CHIC2: variants seen among roughly 807,000 people sequenced by gnomAD.
The protein encoded by CHIC2 is cysteine rich hydrophobic domain 2.
CHIC2 carries 14 observed loss-of-function variants against 25.9 expected under a neutral mutation model. The observed-to-expected ratio is 0.54, with a 90% confidence interval of 0.36 to 0.85. The LOEUF (loss-of-function observed/expected upper bound fraction) is 0.85. CHIC2 is among the 40% of genes least tolerant of loss of function. The pLI is 0.01. For missense variants in CHIC2, 146 were observed against 202.0 expected (o/e 0.72, Z 1.68); for synonymous variants, 70 against 72.0 (o/e 0.97, Z 0.14).
At chr4:54,043,561 T>G (rs949783191) in intron 3 of CHIC2, among the ~76,000 whole-genome samples, 3 of 151,756 alleles carry the variant, frequency 2.0e-5, no homozygotes, top group Non-Finnish European at 4.4e-5. Flanking sequence ...CTAAGCTTCA[T>G]AAGTGAAGGA....
chr4:54,033,761 T>TAA (rs1470441306), intron 3 of CHIC2, among the ~76,000 whole-genome samples: 2 of 152,208 alleles, frequency 1.3e-5, no homozygotes, highest in Non-Finnish European at 2.9e-5. Context: ...TACATCTCTT[T>TAA]AAAAGACTGT....
chr4:54,043,043 G>T (rs535012850), intron 3 of CHIC2, among the ~76,000 whole-genome samples: 44 of 152,198 alleles, frequency 2.9e-4, no homozygotes, highest in Non-Finnish European at 5.4e-4. Context: ...GGGTGCAGTG[G>T]CTCACACCTG....
intron 3 of CHIC2, among the ~76,000 whole-genome samples, chr4:54,041,121 G>A (rs531016273): frequency 1.8e-3 from 274 of 151,554 alleles, no homozygotes; most frequent in Non-Finnish European, 2.9e-3. Context: ...TCACCATGTT[G>A]GCCAGGATGG....
chr4:54,047,873 A>C (rs1716884377), intron 3 of CHIC2, among the ~76,000 whole-genome samples: 1 of 151,980 alleles, frequency 6.6e-6, no homozygotes, highest in African/African-American at 2.4e-5. Context: ...TATTTAAAAA[A>C]ATTTTTTTAA....
intron 3 of CHIC2, among the ~76,000 whole-genome samples, chr4:54,021,232 G>C (rs1173479805): frequency 2.6e-5 from 4 of 152,060 alleles, no homozygotes; most frequent in Non-Finnish European, 5.9e-5. Flanking sequence ...CATTTTACAA[G>C]ATCTAGATAA....
At position 54,064,314 on chromosome 4, in the gene CHIC2, G is replaced by A. The variant is rs1717437212; in HGVS notation, c.-14C>T. On this transcript the variant is annotated 5_prime_UTR_variant, in exon 1 of 6. Coordinates refer to ENST00000263921, the MANE Select transcript of CHIC2 (RefSeq NM_012110.4). This position sits in a 1 kb window ranked among gnomAD's most constrained non-coding sequence, Gnocchi z 4.2. ...GAAATCCGCCATCCTGAGCCTCCGA[G>A]CTCCCCTGCCCAAAGGGCCTGACTC... is the stretch of plus-strand genomic sequence containing the variant. 6.2e-7 allele frequency: 1 copy of A among 1,612,954 alleles called. No individual in the cohort carries two copies. Among genetic ancestry groups the A allele is most frequent in the Non-Finnish European group, 8.5e-7 (1 of 1,179,524 alleles).
At chr4:54,075,270 T>G in the CHIC2 span, among the ~76,000 whole-genome samples, 1 of 152,240 alleles carries the variant, frequency 6.6e-6, no homozygotes, top group Non-Finnish European at 1.5e-5. Flanking sequence ...CTTGATATAT[T>G]TAAAGATATC....
chr4:54,010,368 T>C (rs1175375878), intron 5 of CHIC2, among the ~76,000 whole-genome samples: 3 of 152,002 alleles, frequency 2.0e-5, no homozygotes, highest in African/African-American at 4.8e-5. Flanking sequence ...CTTGGCTCTA[T>C]GAAAAGGAAG....
intron 1 of CHIC2, among the ~76,000 whole-genome samples, chr4:54,056,060 G>A (rs1050554684): frequency 1.3e-5 from 2 of 152,136 alleles, no homozygotes; most frequent in South Asian, 2.1e-4. Context: ...TCCAAAGCAT[G>A]TGTTAAATTT....
At chr4:54,059,100 C>T (rs1243583298) in intron 1 of CHIC2, among the ~76,000 whole-genome samples, 1 of 152,068 alleles carries the variant, frequency 6.6e-6, no homozygotes, top group Non-Finnish European at 1.5e-5. Context: ...AAAATCTGTG[C>T]ATTAAGAAGT....
At chr4:54,070,398 TTATTTATTTATG>T in the CHIC2 span, among the ~76,000 whole-genome samples, 36,440 of 150,524 alleles carry the variant, frequency 0.24, 5,059 homozygotes, top group Middle Eastern at 0.36. Context: ...ATTTATTTAT[TTATTTATTTATG>T]TATTTATGTA....
chr4:54,023,712 C>T (rs185621426), intron 3 of CHIC2, among the ~76,000 whole-genome samples: 4 of 152,296 alleles, frequency 2.6e-5, no homozygotes, highest in South Asian at 2.1e-4. Flanking sequence ...TTGAGGCTAC[C>T]GCTCTGCCCC....
chr4:54,024,279 T>G (rs1174232014), intron 3 of CHIC2, among the ~76,000 whole-genome samples: 1 of 152,164 alleles, frequency 6.6e-6, no homozygotes, highest in African/African-American at 2.4e-5. Context: ...AACCTCTCAT[T>G]TCCTTTCCAT....
At chr4:54,080,213 T>C in the CHIC2 span, among the ~76,000 whole-genome samples, 1 of 149,962 alleles carries the variant, frequency 6.7e-6, no homozygotes. Context: ...TATATATATA[T>C]ATTCAGCCAT....
upstream of CHIC2, among the ~76,000 whole-genome samples, chr4:54,067,936 A>G (rs1717551266): frequency 7.0e-6 from 1 of 142,738 alleles, no homozygotes; most frequent in Admixed American, 7.0e-5. Flanking sequence ...CCCCAAATTC[A>G]TATGTTGAAG....
intron 3 of CHIC2, among the ~76,000 whole-genome samples, chr4:54,021,580 C>G (rs370560276): frequency 5.3e-5 from 8 of 152,280 alleles, no homozygotes; most frequent in East Asian, 3.9e-4. Context: ...AGCCCTCCCC[C>G]ACCTGCCCAA....
At chr4:54,018,040 G>A (rs1335636736) in intron 3 of CHIC2, among the ~76,000 whole-genome samples, 2 of 152,150 alleles carry the variant, frequency 1.3e-5, no homozygotes, top group East Asian at 3.9e-4. Context: ...AGAAATTTTG[G>A]CTTCTATTTA....
At chr4:54,087,662 G>C in the CHIC2 span, 1 of 555,984 alleles carries the variant, frequency 1.8e-6, no homozygotes, top group South Asian at 3.9e-5. Context: ...GATGAGAAGA[G>C]CCTTGCGTTA....
intron 3 of CHIC2, among the ~76,000 whole-genome samples, chr4:54,037,014 G>T (rs1716409591): frequency 6.6e-6 from 1 of 152,098 alleles, no homozygotes; most frequent in African/African-American, 2.4e-5. Context: ...AGCAATAAAA[G>T]GGAATGAACT....
Sources: allele counts gnomAD v4.1 joint callset (sites outside exome capture counted in the v4.1 genomes callset), GRCh38; gene constraint gnomAD v4.1.1; non-coding constraint Gnocchi (gnomAD v3.1); transcripts MANE v1.5; gene names NCBI Gene and HGNC (gene_info 2026-07-23, HGNC 2026-07-21).